GIT2: variants seen among roughly 807,000 people sequenced by gnomAD.
The protein encoded by GIT2 is ARF GTPase-activating protein GIT2.
A neutral mutation model predicts 100.3 loss-of-function variants in GIT2; 32 were observed. The ratio of observed to expected loss-of-function variants is 0.32; its 90% CI spans 0.24 to 0.43. The LOEUF (loss-of-function observed/expected upper bound fraction) is 0.43. Ranked by LOEUF, GIT2 falls within the 20% of genes least tolerant of loss-of-function variation. The pLI, the probability that GIT2 is intolerant of heterozygous loss-of-function variation, is 1.00. For missense variants in GIT2, 737 were observed against 975.1 expected (o/e 0.76, Z 3.25); for synonymous variants, 353 against 364.1 (o/e 0.97, Z 0.35).
At position 109,981,054 on chromosome 12, in the gene GIT2, G is replaced by C. The variant is rs376719467; in HGVS notation, c.624-8C>G. 1 of 1,586,058 alleles carries C rather than the reference G, an allele frequency of 6.3e-7. No homozygotes were observed. Among genetic ancestry groups the C allele is most frequent in the African/African-American group, 1.3e-5 (1 of 74,478 alleles). On this transcript the variant is annotated splice_polypyrimidine_tract_variant and splice_region_variant and intron_variant, in intron 6 of 19. Coordinates refer to ENST00000355312, the MANE Select transcript of GIT2 (RefSeq NM_057169.5). ...TCATGGTGCCCTCCTTGCCTACCAA[G>C]AGAAAACAAAGTACCATTTATATTG...
chr12:109,974,972 T>C (rs1159661657), intron 7 of GIT2, among the ~76,000 whole-genome samples: 3 of 152,226 alleles, frequency 2.0e-5, no homozygotes, highest in African/African-American at 7.2e-5. Context: ...TTTAGAACTA[T>C]TATGCCTTCT....
chr12:109,951,133 GCGTCAAC>G, intron 14 of GIT2, 27 bp downstream of exon 14: 1 of 1,586,452 alleles, frequency 6.3e-7, no homozygotes, highest in South Asian at 1.1e-5. Context: ...TGGGATTAAA[GCGTCAAC>G]CGTCCTGGCA....
chr12:109,974,526 C>CA (rs199828623), intron 7 of GIT2, among the ~76,000 whole-genome samples: 87 of 151,648 alleles, frequency 5.7e-4, no homozygotes, highest in African/African-American at 1.9e-3. Flanking sequence ...GCTCTGTTTC[C>CA]AAAAAAAAGC....
Position 109,996,176 on chromosome 12 carries a change from G to A in GIT2, c.49C>T (p.Pro17Ser). The part of the protein sequence containing the change: ...SSEVCADCSG[P>S]DPSWASVNRG... ...GGGCCCGGCCGGTGCGACTCACCCG[G>A]CCCGCTGCAGTCAGCGCACACCTCG... Residue 17 changes from proline to serine, a missense_variant, in exon 1 of 20, where the codon CCG becomes TCG. Pro to Ser is a moderately conservative substitution (Grantham distance 74). Coordinates refer to ENST00000355312, the MANE Select transcript of GIT2 (RefSeq NM_057169.5). 6.6e-7 allele frequency: 1 copy of A among 1,520,448 alleles called. No homozygotes were observed. The highest frequency in any genetic ancestry group is 2.0e-5 in the Admixed American group (1 of 48,816). 94.2% of individuals were successfully genotyped at this position (1,520,448 alleles called of 1,614,324 possible).
At chr12:109,997,067 G>A (rs1428629202), upstream of GIT2, among the ~76,000 whole-genome samples, 14 of 152,050 alleles carry the variant, frequency 9.2e-5, no homozygotes, top group Non-Finnish European at 1.3e-4. Flanking sequence ...AAAATTAGCC[G>A]GGCACAGTGG....
rs1349549166 is a variant in GIT2, at chr12:109,930,735, C to T, written c.*2243G>A. 2.6e-5 allele frequency: 4 copies of T among 152,236 alleles called. No individual in the cohort carries two copies. The highest frequency in any genetic ancestry group is 2.0e-4 in the Admixed American group (3 of 15,272). The allele number at this position is 152,236 out of a possible 1,614,324, so 9.4% of individuals were successfully genotyped here. On this transcript the variant is annotated 3_prime_UTR_variant, in exon 20 of 20. Coordinates refer to ENST00000355312, the MANE Select transcript of GIT2 (RefSeq NM_057169.5). ...AAAGGCAACATCTTCTATTGCAGGT[C>T]CTCAAACATTCCAAGGAAAACACTG...
rs202120742 is a variant in GIT2 at position 109,938,492 on chromosome 12, C to A, written c.1891G>T (p.Val631Leu). 21 of 1,613,774 alleles carry A rather than the reference C, an allele frequency of 1.3e-5. No individual in the cohort carries two copies. Among genetic ancestry groups the A allele is most frequent in the Non-Finnish European group, 7.6e-6 (9 of 1,179,816 alleles). ...CTAGGGAGAGTGGGGCTTGGGGCCA[C>A]ATGGGGTTCTGCTGTGTCTGGTACC... The part of the protein sequence containing the change: ...GLVPDTAEPH[V>L]APSPTLPSTE... Residue 631 changes from valine (V) to leucine (L), a missense_variant, in exon 18 of 20, where the codon GTG becomes TTG. By Grantham distance (32) the Val-to-Leu change is conservative. Around this residue, in one of 3 missense-constraint regions of GIT2, gnomAD observed 451 missense variants for 543.7 expected, o/e 0.83. Transcript: ENST00000355312.
Position 109,938,482 on chromosome 12 carries a change from C to T in GIT2, c.1901G>A (p.Ser634Asn). Residue 634 changes from serine (S) to asparagine (N), a missense_variant, in exon 18 of 20, where the codon AGC becomes AAC. Coordinates refer to ENST00000355312, the MANE Select transcript of GIT2 (RefSeq NM_057169.5). ...PDTAEPHVAPSPTLPSTEDVI... is the reference protein window; with the variant it reads ...PDTAEPHVAPNPTLPSTEDVI... ...ATCTTCGGTGCTAGGGAGAGTGGGGCTTGGGGCCACATGGGGTTCTGCTGT... is the reference window on the plus strand; with the variant it reads ...ATCTTCGGTGCTAGGGAGAGTGGGGTTTGGGGCCACATGGGGTTCTGCTGT... 1 of 1,613,886 alleles carries T rather than the reference C, an allele frequency of 6.2e-7. No individual in the cohort carries two copies. The highest frequency in any genetic ancestry group is 8.5e-7 in the Non-Finnish European group (1 of 1,179,802).
intron 1 of GIT2, among the ~76,000 whole-genome samples, chr12:109,994,075 CAAAAAAA>C (rs34393850): frequency 3.2e-4 from 19 of 59,694 alleles, no homozygotes; most frequent in Admixed American, 2.8e-3. Context: ...ACACTAATGG[CAAAAAAA>C]AAAAAAAAAA....
At chr12:109,954,808 A>C (rs1284407345) in intron 12 of GIT2, among the ~76,000 whole-genome samples, 1 of 151,834 alleles carries the variant, frequency 6.6e-6, no homozygotes. Context: ...CTGAGGCAGG[A>C]GAATCGCTTG....
At chr12:109,957,025 A>C (rs946168705) in intron 12 of GIT2, among the ~76,000 whole-genome samples, 4 of 152,014 alleles carry the variant, frequency 2.6e-5, no homozygotes, top group Non-Finnish European at 4.4e-5. Context: ...TCAAAAAAAA[A>C]AAAACAAAAC....
chr12:109,957,736 G>A (rs1879894775), intron 12 of GIT2, among the ~76,000 whole-genome samples: 1 of 151,982 alleles, frequency 6.6e-6, no homozygotes, highest in Admixed American at 6.6e-5. Flanking sequence ...TCGATCTCCT[G>A]AACTCGTGAT....
At chr12:109,938,613 G>C in intron 17 of GIT2, 45 bp from the exon 18 acceptor site, 4 of 1,416,142 alleles carry the variant, frequency 2.8e-6, no homozygotes, top group Non-Finnish European at 3.8e-6. Flanking sequence ...GTGCTTATCA[G>C]CTGCCCCTCT....
At chr12:109,987,656 C>G (rs764358600) in intron 4 of GIT2, among the ~76,000 whole-genome samples, 1 of 151,766 alleles carries the variant, frequency 6.6e-6, no homozygotes, top group Non-Finnish European at 1.5e-5. Context: ...TTTGTAGAGA[C>G]GGGGTTTCGC....
chr12:109,995,949 G>GGAGGGAACGA (rs1889314965), intron 1 of GIT2: 4 of 464,518 alleles, frequency 8.6e-6, no homozygotes, highest in African/African-American at 2.1e-5. Flanking sequence ...GGAGGGAACG[G>GGAGGGAACGA]GAGGGAACGA....
At chr12:109,990,747 T>G (rs1051612670) in intron 2 of GIT2, among the ~76,000 whole-genome samples, 1 of 152,216 alleles carries the variant, frequency 6.6e-6, no homozygotes. Context: ...TGACATGACA[T>G]TGGACTCCAG....
At chr12:109,961,449 G>A (rs1481526577) in intron 10 of GIT2, 74 bp from the exon 11 acceptor site, 10 of 1,017,120 alleles carry the variant, frequency 9.8e-6, no homozygotes, top group South Asian at 6.4e-5. Flanking sequence ...CACAGCTCAC[G>A]CACTACGAGG....
intron 7 of GIT2, among the ~76,000 whole-genome samples, chr12:109,978,507 G>A (rs754029096): frequency 6.6e-6 from 1 of 152,108 alleles, no homozygotes; most frequent in Non-Finnish European, 1.5e-5. Context: ...TTTCCCACAG[G>A]TCCCTGAGAC....
intron 12 of GIT2, among the ~76,000 whole-genome samples, chr12:109,958,299 T>C (rs1227628894): frequency 6.6e-6 from 1 of 151,514 alleles, no homozygotes; most frequent in Non-Finnish European, 1.5e-5. Flanking sequence ...TAGAGTGCAG[T>C]GGTGTGATCT....
Sources: allele counts gnomAD v4.1 joint callset (sites outside exome capture counted in the v4.1 genomes callset), GRCh38; gene constraint gnomAD v4.1.1; regional missense constraint gnomAD v4.1.1; transcripts MANE v1.5; gene names NCBI Gene and HGNC (gene_info 2026-07-23, HGNC 2026-07-21).